CWC15: variants seen among roughly 807,000 people sequenced by gnomAD.
The protein encoded by CWC15 is CWC15 spliceosome associated protein.
Under a neutral mutation model 28.4 loss-of-function variants are expected in CWC15, and 12 were observed. The observed-to-expected ratio is 0.42, with a 90% CI of 0.27 to 0.69. The LOEUF (loss-of-function observed/expected upper bound fraction) is 0.69, where lower values mean the gene tolerates loss of function less well. CWC15 is among the 30% of genes least tolerant of loss of function. CWC15 has a pLI of 0.23. For synonymous variants in CWC15, 92 were observed against 88.4 expected, an observed-to-expected ratio of 1.04 and a Z score of -0.23; for missense variants, 192 against 271.5, an observed-to-expected ratio of 0.71 and a Z score of 2.06.
At chr11:94,971,578 T>C (rs1555096276) in intron 2 of CWC15, 91 bp from the exon 3 acceptor site, 3 of 740,950 alleles carry the variant, frequency 4.0e-6, no homozygotes, top group African/African-American at 3.5e-5. Flanking sequence ...AATTCAGGAA[T>C]GAGACTTTGT....
intron 6 of CWC15, 69 bp downstream of exon 6, chr11:94,966,226 T>TACACACAC (rs58215154): frequency 0.011 from 7,141 of 669,592 alleles, 36 homozygotes; most frequent in Non-Finnish European, 0.015. Flanking sequence ...CATACACATA[T>TACACACAC]ACACACACAC....
chr11:94,970,429 C>A, intron 4 of CWC15: 1 of 195,134 alleles, frequency 5.1e-6, no homozygotes, highest in Non-Finnish European at 1.0e-5. Context: ...AGGTTTTTCA[C>A]TGTCCTGTAT....
In CWC15 at chr11:94,963,324, T is replaced by TA. The variant is rs36022887; in HGVS notation, c.*60dup. Reference sequence around the variant, plus strand: ...CAGGGGAAAAGAAAAAAAAAACTCATAAAAAAAGTCAGAATGATCCTTTAC... The same window carrying TA: ...CAGGGGAAAAGAAAAAAAAAACTCATAAAAAAAAGTCAGAATGATCCTTTAC... On this transcript the variant is annotated 3_prime_UTR_variant, in exon 7 of 7. Transcript: ENST00000279839. 381 of 1,341,540 alleles carry TA rather than the reference T, an allele frequency of 2.8e-4. 1 individual carries two copies. Among genetic ancestry groups the TA allele is most frequent in the South Asian group, 6.4e-4 (39 of 60,588 alleles). 83.1% of individuals were successfully genotyped at this position (1,341,540 alleles called of 1,614,324 possible). A position where few individuals can be genotyped will look rare whatever the true frequency, so the allele number is the denominator to read the frequency against.
In CWC15 at chr11:94,971,442, G is replaced by C; in HGVS notation, c.177C>G (p.Phe59Leu). ...TCTCTCTTTCTTCCAACTCTCTCCT[G>C]AAGTCACGGTTACGAACCTCTTCAG... ...DAPEEVRNRDFRRELEERERA... is the reference protein window; with the variant it reads ...DAPEEVRNRDLRRELEERERA... Residue 59 changes from phenylalanine (F) to leucine (L), a missense_variant, in exon 3 of 7, where the codon TTC (phenylalanine) becomes TTG (leucine). Coordinates refer to ENST00000279839, the MANE Select transcript of CWC15 (RefSeq NM_016403.4). The C allele has an allele frequency of 6.2e-7, 1 of 1,612,640 alleles. No individual in the cohort carries two copies. The highest frequency in any genetic ancestry group is 8.5e-7 in the Non-Finnish European group (1 of 1,179,300).
intron 4 of CWC15, 128 bp from the exon 5 acceptor site, chr11:94,970,224 T>C (rs1857700880): frequency 4.8e-6 from 2 of 417,998 alleles, no homozygotes; most frequent in Admixed American, 8.7e-5. Flanking sequence ...AACTTTAAGC[T>C]AGCAGCAAAG....
chr11:94,969,071 C>G (rs1436339796), intron 5 of CWC15, among the ~76,000 whole-genome samples: 2 of 152,172 alleles, frequency 1.3e-5, no homozygotes, highest in African/African-American at 4.8e-5. Context: ...CAACATTTAC[C>G]TAGAAAGTGA....
At position 94,971,491 on chromosome 11, in the gene CWC15, A is replaced by G. The variant is rs1202454823; in HGVS notation, c.132-4T>C. ...AGGGGCATCCTGAGTAGTCTGTCTA[A>G]AGTAGAAACAAACCAGGGCAAAAAT... On this transcript the variant is annotated splice_region_variant and splice_polypyrimidine_tract_variant and intron_variant, in intron 2 of 6. Transcript: ENST00000279839. 1 of 1,588,050 alleles carries G rather than the reference A, an allele frequency of 6.3e-7. No individual in the cohort carries two copies.
chr11:94,966,261 A>G, intron 6 of CWC15, 34 bp downstream of exon 6: 1 of 944,478 alleles, frequency 1.1e-6, no homozygotes, highest in Non-Finnish European at 1.6e-6. Flanking sequence ...ACACACACAC[A>G]CACACACTCC....
chr11:94,971,156 T>G (rs1467743762), intron 3 of CWC15, 91 bp from the exon 4 acceptor site: 3 of 1,187,622 alleles, frequency 2.5e-6, no homozygotes, highest in Admixed American at 1.7e-5. Flanking sequence ...GGAGCCCACA[T>G]TAAAAGCATT....
intron 4 of CWC15, chr11:94,970,321 T>G: frequency 2.7e-6 from 1 of 371,652 alleles, no homozygotes; most frequent in Non-Finnish European, 4.8e-6. Context: ...TGAAATTAGG[T>G]TTCCTGTTTT....
chr11:94,973,101 T>C (rs967124538), intron 1 of CWC15, among the ~76,000 whole-genome samples: 16 of 151,736 alleles, frequency 1.1e-4, no homozygotes, highest in Non-Finnish European at 2.2e-4. Flanking sequence ...GAGACATGTA[T>C]ACAAAGAAGA....
Position 94,973,530 on chromosome 11 carries a change from G to T in CWC15, c.-41C>A, listed in dbSNP as rs1388950429. 1 of 152,444 alleles carries T rather than the reference G, an allele frequency of 6.6e-6. No homozygotes were observed. Among genetic ancestry groups the T allele is most frequent in the South Asian group, 2.1e-4 (1 of 4,840 alleles). The allele number at this position is 152,444 out of a possible 1,614,324, so 9.4% of individuals were successfully genotyped here. ...GAGGTCCGATGCAGCAGGCTCCGAA[G>T]ATCATACAGACGCCATTACCACTCT... On this transcript the variant is annotated 5_prime_UTR_variant, in exon 1 of 7. Coordinates refer to ENST00000279839, the MANE Select transcript of CWC15 (RefSeq NM_016403.4).
Position 94,963,319 on chromosome 11 carries a change from A to AAT in CWC15, c.*65_*66insAT, listed in dbSNP as rs1489295218. 132 of 1,336,356 alleles carry AAT rather than the reference A, an allele frequency of 9.9e-5. No individual in the cohort carries two copies. The highest frequency in any genetic ancestry group is 1.2e-4 in the Non-Finnish European group (117 of 1,010,268). 82.8% of individuals were successfully genotyped at this position (1,336,356 alleles called of 1,614,324 possible). A position where few individuals can be genotyped will look rare whatever the true frequency, so the allele number is the denominator to read the frequency against. On this transcript the variant is annotated 3_prime_UTR_variant, in exon 7 of 7. Transcript: ENST00000279839. Reference sequence around the variant, plus strand: ...TTAGACAGGGGAAAAGAAAAAAAAAACTCATAAAAAAAGTCAGAATGATCC... The same window carrying AAT: ...TTAGACAGGGGAAAAGAAAAAAAAAAATCTCATAAAAAAAGTCAGAATGATCC...
intron 4 of CWC15, chr11:94,970,325 CTG>C (rs1364728949): frequency 2.7e-6 from 1 of 367,412 alleles, no homozygotes; most frequent in Admixed American, 4.6e-5. Context: ...ATTAGGTTTC[CTG>C]TTTTAACTAT....
chr11:94,964,277 G>GAA (rs1857610154), intron 6 of CWC15, among the ~76,000 whole-genome samples: 1 of 131,458 alleles, frequency 7.6e-6, no homozygotes. Flanking sequence ...GCCCATATGT[G>GAA]TGTGTTTATG....
At chr11:94,970,167 A>T in intron 4 of CWC15, 71 bp from the exon 5 acceptor site, 1 of 664,542 alleles carries the variant, frequency 1.5e-6, no homozygotes, top group East Asian at 3.2e-5. Flanking sequence ...ACATATGTAC[A>T]ACGTATCACC....
At chr11:94,967,516 T>C (rs1377639242) in intron 5 of CWC15, among the ~76,000 whole-genome samples, 2 of 152,204 alleles carry the variant, frequency 1.3e-5, no homozygotes, top group Non-Finnish European at 2.9e-5. Context: ...TTAAGCCAAA[T>C]ATAAATCCCA....
intron 1 of CWC15, among the ~76,000 whole-genome samples, chr11:94,973,047 T>TTGG (rs1555096458): frequency 4.8e-5 from 5 of 103,286 alleles, no homozygotes; most frequent in East Asian, 3.1e-4. Flanking sequence ...GAGGATTTTT[T>TTGG]GGGGGGGGGG....
chr11:94,970,697 G>A (rs1857706653), intron 4 of CWC15: 4 of 400,314 alleles, frequency 1.0e-5, no homozygotes, highest in South Asian at 7.4e-5. Context: ...CAGTAGTGCA[G>A]TAGTTTAGTA....
Sources: gnomAD v4.1 joint callset for allele counts (sites outside exome capture counted in the v4.1 genomes callset) on GRCh38, gnomAD v4.1.1 for gene constraint, MANE v1.5 for transcripts, NCBI Gene and HGNC (gene_info 2026-07-23, HGNC 2026-07-21) for gene names.